Variants in UST observed in about 807,000 individuals in gnomAD.
UST encodes the protein chondroitin sulfate 2-O-sulfotransferase.
In UST, 21 loss-of-function variants were observed where a neutral mutation model predicts 45.6. The ratio of observed to expected loss-of-function variants is 0.46; its 90% CI spans 0.33 to 0.66. The LOEUF is 0.66. Among genes scored for constraint, UST ranks in the 30% least tolerant of loss-of-function variants. The pLI is 0.02. For missense variants in UST, 463 were observed against 512.4 expected, an observed-to-expected ratio of 0.90 and a Z score of 0.93; for synonymous variants, 215 against 200.6, an observed-to-expected ratio of 1.07 and a Z score of -0.61.
chr6:148,828,353 A>G (rs564571999), intron 1 of UST, among the ~76,000 whole-genome samples: 74 of 152,282 alleles, frequency 4.9e-4, no homozygotes, highest in Admixed American at 1.4e-3. Flanking sequence ...CACAGACAGA[A>G]CAAAATCATA....
rs763000156 is a variant in UST, at chr6:148,799,505, ACT to A, written c.247+51831_247+51832del. Among the ~76,000 whole-genome samples, 6 of 150,942 alleles carry A rather than the reference ACT, an allele frequency of 4.0e-5. No homozygotes were observed. In the South Asian group the frequency reaches 8.5e-4, roughly 21 times the overall value. On this transcript the variant is annotated intron_variant, in intron 1 of 7. Transcript: ENST00000367463. ...TGGTTCCCGGCAACTGAGTGGTAAAACTCTACTCTCAGGGGTCCCTTCTTGTT... is the reference window on the plus strand; with the variant it reads ...TGGTTCCCGGCAACTGAGTGGTAAAACTACTCTCAGGGGTCCCTTCTTGTT...
rs1562281686 is a variant in UST, at chr6:148,865,692, GTGTGTGTGTGTGTGTGTGTGT to G, written c.248-21293_248-21273del. On this transcript the variant is annotated intron_variant, in intron 1 of 7. Transcript: ENST00000367463. ...TGTGTGTGTGTGTGTGTGTGTGTGT[GTGTGTGTGTGTGTGTGTGTGT>G]GAATTCAGAGAAGAGGCAAATTAAT... is the stretch of plus-strand genomic sequence containing the variant. Among the ~76,000 whole-genome samples the G allele has an allele frequency of 7.3e-5, 11 of 151,366 alleles. No individual in the cohort carries two copies. The South Asian group carries it at 1.7e-3, about 23-fold the overall frequency.
rs762351422 is a variant in UST at position 148,941,285 on chromosome 6, C to T, written c.298C>T (p.Pro100Ser). 6 of 1,612,876 alleles carry T rather than the reference C, an allele frequency of 3.7e-6. No homozygotes were observed. The East Asian group carries it at 1.1e-4, about 30-fold the overall frequency. The part of the protein sequence containing the change: ...DHGPPPSKVL[P>S]FPSQVVYNRV... ...CTCTTGGTTTTTTTCCCAGGTACTA[C>T]CTTTCCCAAGCCAGGTGGTGTACAA... The change falls in exon 3 of 8, where the codon CCT (proline) becomes TCT (serine). Residue 100 changes from proline to serine, a missense_variant. This residue lies in a region of UST where 176 missense variants were observed against 138.3 expected (regional missense o/e 1.27). Transcript: ENST00000367463.
At chr6:149,053,505 G>A (rs1164168596) in intron 7 of UST, among the ~76,000 whole-genome samples, 2 of 152,104 alleles carry the variant, frequency 1.3e-5, no homozygotes, top group Admixed American at 6.5e-5. Flanking sequence ...CCAAACTTAT[G>A]TGTTGTGTGT....
At chr6:148,941,493 G>A in intron 3 of UST, 59 bp downstream of exon 3, 3 of 1,527,088 alleles carry the variant, frequency 2.0e-6, no homozygotes, top group African/African-American at 1.4e-5. Context: ...TGTGTAACTA[G>A]TGGGTGCCTT....
At chr6:148,925,876 G>A (rs574517937) in intron 2 of UST, among the ~76,000 whole-genome samples, 1 of 152,348 alleles carries the variant, frequency 6.6e-6, no homozygotes, top group South Asian at 2.1e-4. Context: ...CTGAGCAAAT[G>A]AGTGTGGTTG....
intron 1 of UST, among the ~76,000 whole-genome samples, chr6:148,869,999 G>A (rs1778517702): frequency 6.6e-6 from 1 of 152,040 alleles, no homozygotes; most frequent in African/African-American, 2.4e-5. Context: ...AACCCAGCAA[G>A]AATTATTTCA....
intron 1 of UST, among the ~76,000 whole-genome samples, chr6:148,751,060 C>T (rs1292394325): frequency 1.3e-5 from 2 of 152,160 alleles, no homozygotes; most frequent in African/African-American, 4.8e-5. Flanking sequence ...TCAGCAAGTC[C>T]TCTAGGTGAT....
At chr6:149,008,000 C>A (rs112063039) in intron 5 of UST, among the ~76,000 whole-genome samples, 2,314 of 152,164 alleles carry the variant, frequency 0.015, 69 homozygotes, top group African/African-American at 0.052. Flanking sequence ...TGCTGCAGTA[C>A]GGTTAGGGTA....
rs1371406523 is a variant in UST at position 148,748,520 on chromosome 6, G to A, written c.247+843G>A. Among the ~76,000 whole-genome samples the A allele has an allele frequency of 6.6e-6, 1 of 151,800 alleles. No individual in the cohort carries two copies. The highest frequency in any genetic ancestry group is 2.4e-5 in the African/African-American group (1 of 41,306). On this transcript the variant is annotated intron_variant, in intron 1 of 7. Transcript: ENST00000367463. The surrounding 1 kb of genome is among the most constrained non-coding windows in gnomAD (Gnocchi z 5.3). ...GAAGGGGTTTGACGGGAGGGAAAGA[G>A]CCGCTCCAGCGAGAAGGCGTGACCC...
chr6:148,849,847 G>A (rs917135723), intron 1 of UST, among the ~76,000 whole-genome samples: 1 of 152,064 alleles, frequency 6.6e-6, no homozygotes, highest in Admixed American at 6.6e-5. Context: ...GAGCCAAACC[G>A]TATCAGATGC....
At chr6:149,062,716 G>C (rs1218351112) in intron 7 of UST, among the ~76,000 whole-genome samples, 1 of 152,218 alleles carries the variant, frequency 6.6e-6, no homozygotes, top group Non-Finnish European at 1.5e-5. Flanking sequence ...AAAGGTGCAA[G>C]GCTGAGAATC....
intron 5 of UST, among the ~76,000 whole-genome samples, chr6:148,998,541 G>A (rs1382615488): frequency 6.6e-6 from 1 of 152,176 alleles, no homozygotes; most frequent in Admixed American, 6.5e-5. Flanking sequence ...CTTGAGAATA[G>A]CAAAATTGTA....
At chr6:148,889,639 G>C (rs1331609156) in intron 2 of UST, among the ~76,000 whole-genome samples, 1 of 152,120 alleles carries the variant, frequency 6.6e-6, no homozygotes, top group Non-Finnish European at 1.5e-5. Context: ...TTCCTGGCTT[G>C]GTAAACAGGA....
chr6:148,965,045 G>A (rs1318346131), intron 5 of UST, among the ~76,000 whole-genome samples: 3 of 152,118 alleles, frequency 2.0e-5, no homozygotes, highest in African/African-American at 4.8e-5. Flanking sequence ...AGGTAAGGGC[G>A]CAACTGCGAC....
chr6:149,031,302 A>G (rs572391461), intron 7 of UST, among the ~76,000 whole-genome samples: 2 of 152,152 alleles, frequency 1.3e-5, no homozygotes, highest in East Asian at 3.9e-4. Context: ...CATAATGTAA[A>G]CCCCTTTAAC....
At chr6:148,876,362 T>C (rs935822994) in intron 1 of UST, among the ~76,000 whole-genome samples, 1 of 152,204 alleles carries the variant, frequency 6.6e-6, no homozygotes, top group Non-Finnish European at 1.5e-5. Context: ...ACATGAGACT[T>C]GGAGGGGACA....
intron 4 of UST, among the ~76,000 whole-genome samples, chr6:148,957,547 C>T (rs563256447): frequency 5.3e-5 from 8 of 152,318 alleles, no homozygotes; most frequent in Non-Finnish European, 1.0e-4. Context: ...GATTCTCCTG[C>T]CTCAGCCTCC....
In UST at chr6:148,793,304, G is replaced by A. The variant is rs115959285; in HGVS notation, c.247+45627G>A. 8.0e-3 allele frequency among the ~76,000 whole-genome samples: 1,214 copies of A among 152,116 alleles called. 18 individuals are homozygous for A. The highest frequency in any genetic ancestry group is 0.028 in the African/African-American group (1,160 of 41,480). The stretch of plus-strand genomic sequence containing the variant: ...AAAAAAAAAGTTACTAAAAATAAGG[G>A]TGATGTTTGTGAAACACATAAAGAA... On this transcript the variant is annotated intron_variant, in intron 1 of 7. Transcript: ENST00000367463.
Sources: allele counts gnomAD v4.1 joint callset (sites outside exome capture counted in the v4.1 genomes callset), GRCh38; gene constraint gnomAD v4.1.1; regional missense constraint gnomAD v4.1.1; non-coding constraint Gnocchi (gnomAD v3.1); transcripts MANE v1.5; gene names NCBI Gene and HGNC (gene_info 2026-07-23, HGNC 2026-07-21).